The following LINGO2 variants were observed in gnomAD, a reference collection of about 807,000 sequenced individuals.
LINGO2 encodes leucine-rich repeat and immunoglobulin-like domain-containing nogo receptor-interacting protein 2.
LINGO2 carries 14 observed loss-of-function variants against 30.6 expected under a neutral mutation model. The ratio of observed to expected loss-of-function variants is 0.46; its 90% CI spans 0.30 to 0.72. The LOEUF is 0.72. Among genes scored for constraint, LINGO2 ranks in the 30% least tolerant of loss-of-function variants. LINGO2 has a pLI of 0.07. For missense variants in LINGO2, 729 were observed against 751.7 expected, an observed-to-expected ratio of 0.97 and a Z score of 0.35; for synonymous variants, 317 against 288.5, an observed-to-expected ratio of 1.10 and a Z score of -1.00.
At chr9:28,069,988 C>G (rs966685745) in intron 4 of LINGO2, among the ~76,000 whole-genome samples, 1 of 152,184 alleles carries the variant, frequency 6.6e-6, no homozygotes, top group African/African-American at 2.4e-5. Context: ...TCATAGTGGG[C>G]AACAGCAGAT....
At chr9:29,163,684 T>C in the LINGO2 span, among the ~76,000 whole-genome samples, 2 of 152,282 alleles carry the variant, frequency 1.3e-5, no homozygotes, top group East Asian at 3.9e-4. Context: ...AAAATCCCCA[T>C]TGAGAAGACA....
chr9:28,697,937 T>C, the LINGO2 span, among the ~76,000 whole-genome samples: 849 of 152,152 alleles, frequency 5.6e-3, 6 homozygotes, highest in Non-Finnish European at 7.2e-3. Context: ...ACAAAGCACA[T>C]GTAAAATTTA....
intron 5 of LINGO2, among the ~76,000 whole-genome samples, chr9:27,988,299 A>G (rs951107397): frequency 6.6e-6 from 1 of 152,022 alleles, no homozygotes; most frequent in Admixed American, 6.6e-5. Context: ...GAATAGTGCC[A>G]CAATAAACAT....
chr9:28,041,519 G>T (rs1824195830), intron 4 of LINGO2, among the ~76,000 whole-genome samples: 1 of 152,138 alleles, frequency 6.6e-6, no homozygotes, highest in Admixed American at 6.5e-5. Flanking sequence ...CTACTTAGAG[G>T]AAAATTGGCT....
chr9:28,531,058 T>G (rs1821216472), intron 1 of LINGO2, among the ~76,000 whole-genome samples: 1 of 147,968 alleles, frequency 6.8e-6, no homozygotes, highest in Non-Finnish European at 1.5e-5. Context: ...AATATATATA[T>G]ATATATAATA....
intron 4 of LINGO2, among the ~76,000 whole-genome samples, chr9:28,199,215 G>A (rs982237208): frequency 2.6e-5 from 4 of 152,086 alleles, no homozygotes; most frequent in Non-Finnish European, 5.9e-5. Flanking sequence ...ATTGCCTGGT[G>A]CATAGTAGGC....
At chr9:29,202,014 G>T in the LINGO2 span, among the ~76,000 whole-genome samples, 1 of 151,850 alleles carries the variant, frequency 6.6e-6, no homozygotes, top group Non-Finnish European at 1.5e-5. Flanking sequence ...TATGGTTTTG[G>T]ATATGATTTA....
chr9:28,165,476 A>G (rs1035479270), intron 4 of LINGO2, among the ~76,000 whole-genome samples: 3 of 152,166 alleles, frequency 2.0e-5, no homozygotes, highest in Admixed American at 2.0e-4. Context: ...TTCAAACCAT[A>G]TAGTAACTTA....
chr9:28,819,744 T>C, the LINGO2 span, among the ~76,000 whole-genome samples: 290 of 152,326 alleles, frequency 1.9e-3, 1 homozygote, highest in African/African-American at 6.9e-3. Flanking sequence ...GAGAAACTAC[T>C]TGCCTTGGTG....
chr9:28,694,562 T>C, the LINGO2 span, among the ~76,000 whole-genome samples: 4 of 151,904 alleles, frequency 2.6e-5, no homozygotes, highest in South Asian at 2.1e-4. Context: ...ATATACCAAC[T>C]CCTCCTATCC....
chr9:29,192,080 C>T, the LINGO2 span, among the ~76,000 whole-genome samples: 1 of 151,914 alleles, frequency 6.6e-6, no homozygotes, highest in African/African-American at 2.4e-5. Context: ...TACAGTTACC[C>T]GCACCCTCCA....
At chr9:28,439,159 A>G (rs1419707613) in intron 2 of LINGO2, among the ~76,000 whole-genome samples, 1 of 149,040 alleles carries the variant, frequency 6.7e-6, no homozygotes, top group East Asian at 1.9e-4. Flanking sequence ...CAGATAATAT[A>G]TATTTACACA....
the LINGO2 span, among the ~76,000 whole-genome samples, chr9:28,686,911 AGAC>A: frequency 6.6e-6 from 1 of 152,190 alleles, no homozygotes; most frequent in South Asian, 2.1e-4. Context: ...TATAAGAAAA[AGAC>A]GCCTTTAAAA....
the LINGO2 span, among the ~76,000 whole-genome samples, chr9:29,134,240 A>G: frequency 3.9e-5 from 6 of 152,166 alleles, no homozygotes; most frequent in Non-Finnish European, 8.8e-5. Context: ...ATTTATCAGT[A>G]ATAATAAAGG....
the LINGO2 span, among the ~76,000 whole-genome samples, chr9:29,104,586 A>G: frequency 6.6e-6 from 1 of 152,174 alleles, no homozygotes; most frequent in African/African-American, 2.4e-5. Flanking sequence ...TGAAATATAA[A>G]CAGAGAATAA....
intron 4 of LINGO2, among the ~76,000 whole-genome samples, chr9:28,149,944 C>T (rs897816487): frequency 6.6e-6 from 1 of 151,398 alleles, no homozygotes; most frequent in Non-Finnish European, 1.5e-5. Context: ...AGTGCCTCTG[C>T]CTGGCCTCCT....
chr9:28,558,597 C>A (rs1250170864), intron 1 of LINGO2, among the ~76,000 whole-genome samples: 1 of 152,066 alleles, frequency 6.6e-6, no homozygotes, highest in African/African-American at 2.4e-5. Flanking sequence ...CTCCAAACTA[C>A]TTTTATGGTA....
intron 4 of LINGO2, among the ~76,000 whole-genome samples, chr9:28,206,662 A>C (rs1369727666): frequency 6.6e-6 from 1 of 152,364 alleles, no homozygotes; most frequent in East Asian, 1.9e-4. Context: ...AGATAAAAAT[A>C]CTAGCTCTTT....
chr9:28,234,581 G>A (rs1041632504), intron 4 of LINGO2, among the ~76,000 whole-genome samples: 1 of 152,180 alleles, frequency 6.6e-6, no homozygotes, highest in Non-Finnish European at 1.5e-5. Context: ...AGAAGAAAAT[G>A]GAAAGAGCAG....
Sources: gnomAD v4.1 joint callset for allele counts (sites outside exome capture counted in the v4.1 genomes callset) on GRCh38, gnomAD v4.1.1 for gene constraint, MANE v1.5 for transcripts, NCBI Gene and HGNC (gene_info 2026-07-23, HGNC 2026-07-21) for gene names.